The following RYR3 variants were observed in gnomAD, a reference collection of about 807,000 sequenced individuals.
RYR3 encodes ryanodine receptor 3.
A neutral mutation model predicts 584.3 loss-of-function variants in RYR3; 207 were observed. That is an observed-to-expected ratio of 0.35 (90% CI 0.32 to 0.40). The LOEUF (loss-of-function observed/expected upper bound fraction) is 0.40, where lower values mean the gene tolerates loss of function less well. RYR3 is among the 10% of genes least tolerant of loss of function. The pLI is 1.00. For missense variants in RYR3, 5,616 were observed against 6,089.2 expected (o/e 0.92, Z 2.59); for synonymous variants, 2,416 against 2,248.5 (o/e 1.07, Z -2.11).
chr15:33,864,253 G>A, intron 103 of RYR3, 64 bp downstream of exon 103: 4 of 1,281,630 alleles, frequency 3.1e-6, no homozygotes, highest in Non-Finnish European at 4.4e-6. Context: ...AGACTTAGTA[G>A]GGCATAGGTT....
At chr15:33,314,949 A>AAC (rs1555423654) in intron 1 of RYR3, among the ~76,000 whole-genome samples, 19 of 151,572 alleles carry the variant, frequency 1.3e-4, no homozygotes, top group African/African-American at 4.6e-4. Flanking sequence ...AACCAAAAAA[A>AAC]AACAACAACA....
rs187803176 is a variant in RYR3, at chr15:33,754,057, T to C, written c.8400-1008T>C. 5.0e-4 allele frequency among the ~76,000 whole-genome samples: 76 copies of C among 152,194 alleles called. 1 individual carries two copies. The highest frequency in any genetic ancestry group is 1.8e-3 in the African/African-American group (74 of 41,518). ...CTACTCGGGAGGCTGAGGCAGAGAA[T>C]TGCTTGAACCCAGAAGGCAGAGGTT... On this transcript the variant is annotated intron_variant, in intron 57 of 103. Coordinates refer to ENST00000634891, the MANE Select transcript of RYR3 (RefSeq NM_001036.6).
At chr15:33,859,900 A>C (rs1262566453) in intron 100 of RYR3, among the ~76,000 whole-genome samples, 169 bp downstream of exon 100, 2 of 152,160 alleles carry the variant, frequency 1.3e-5, no homozygotes, top group Non-Finnish European at 2.9e-5. Flanking sequence ...GCTATATATA[A>C]AGCCAAATAC....
chr15:33,341,956 A>G (rs1210573003), intron 1 of RYR3, among the ~76,000 whole-genome samples: 1 of 152,250 alleles, frequency 6.6e-6, no homozygotes. Context: ...AAAGCCACAA[A>G]GCAAATTAGT....
At chr15:33,418,417 T>G (rs893392148) in intron 1 of RYR3, among the ~76,000 whole-genome samples, 1 of 151,824 alleles carries the variant, frequency 6.6e-6, no homozygotes. Flanking sequence ...AGAGTAGAAA[T>G]AGACCAGGTA....
rs955103711 is a variant in RYR3, at chr15:33,750,166, G to A, written c.8279G>A (p.Gly2760Asp). ...KKKLELESKGGGSHPLLVPYD... is the reference protein window; with the variant it reads ...KKKLELESKGDGSHPLLVPYD... Reference sequence around the variant, plus strand: ...TCTCTCACCTTACTGACCCCAGGTGGTGGCAGCCACCCTCTTCTGGTACCA... The same window carrying A: ...TCTCTCACCTTACTGACCCCAGGTGATGGCAGCCACCCTCTTCTGGTACCA... The change falls in exon 57 of 104, where the codon GGT (glycine) becomes GAT (aspartate). Residue 2760 changes from glycine (G) to aspartate (D), a missense_variant. This residue lies in a region of RYR3 where 1,280 missense variants were observed against 1,426.2 expected (regional missense o/e 0.90). Coordinates refer to ENST00000634891, the MANE Select transcript of RYR3 (RefSeq NM_001036.6). 3.7e-6 allele frequency: 6 copies of A among 1,609,510 alleles called. No individual in the cohort carries two copies. The highest frequency in any genetic ancestry group is 3.4e-5 in the Admixed American group (2 of 59,378).
At position 33,807,586 on chromosome 15, in the gene RYR3, T is replaced by A; in HGVS notation, c.10026+17T>A. The A allele has an allele frequency of 6.4e-7, 1 of 1,551,302 alleles. No homozygotes were observed. The highest frequency in any genetic ancestry group is 8.7e-7 in the Non-Finnish European group (1 of 1,146,530). ...CAAGTAAAGGTACAGGTCAAATGCATGACGTGTCTTTTCTGTCCTAGTATT... is the reference window on the plus strand; with the variant it reads ...CAAGTAAAGGTACAGGTCAAATGCAAGACGTGTCTTTTCTGTCCTAGTATT... On this transcript the variant is annotated intron_variant, in intron 70 of 103. Coordinates refer to ENST00000634891, the MANE Select transcript of RYR3 (RefSeq NM_001036.6).
intron 43 of RYR3, among the ~76,000 whole-genome samples, chr15:33,710,339 CTTT>C (rs58909445): frequency 0.65 from 73,204 of 112,572 alleles, 23,527 homozygotes; most frequent in South Asian, 0.83. Flanking sequence ...GTGCCATACA[CTTT>C]TTTTTTTTTT....
At chr15:33,620,360 C>A (rs926274043) in intron 19 of RYR3, among the ~76,000 whole-genome samples, 2 of 152,100 alleles carry the variant, frequency 1.3e-5, no homozygotes, top group Non-Finnish European at 2.9e-5. Flanking sequence ...CCTAAAAGTT[C>A]TCTCCAAAGG....
At chr15:33,425,146 G>C (rs146008802) in intron 1 of RYR3, among the ~76,000 whole-genome samples, 256 of 151,650 alleles carry the variant, frequency 1.7e-3, no homozygotes, top group Middle Eastern at 6.8e-3. Context: ...TCTCCACCGC[G>C]TTTTACTTAT....
At chr15:33,463,033 G>T (rs577038986) in intron 1 of RYR3, among the ~76,000 whole-genome samples, 4 of 152,076 alleles carry the variant, frequency 2.6e-5, no homozygotes, top group Non-Finnish European at 5.9e-5. Flanking sequence ...TTAGCCAGGC[G>T]CACCTTGCCT....
chr15:33,762,569 G>T (rs1396958417), intron 60 of RYR3, among the ~76,000 whole-genome samples: 1 of 152,114 alleles, frequency 6.6e-6, no homozygotes, highest in Admixed American at 6.5e-5. Context: ...GGGATATGAA[G>T]GACCTCTTCA....
chr15:33,812,025 A>C (rs1205913445), intron 72 of RYR3, among the ~76,000 whole-genome samples: 1 of 152,158 alleles, frequency 6.6e-6, no homozygotes, highest in African/African-American at 2.4e-5. Context: ...AGAAATCTCT[A>C]GGGCCAGAAA....
At chr15:33,773,848 G>A (rs1230915803) in intron 64 of RYR3, among the ~76,000 whole-genome samples, 1 of 152,202 alleles carries the variant, frequency 6.6e-6, no homozygotes, top group Non-Finnish European at 1.5e-5. Flanking sequence ...TATGTGGCTG[G>A]AGAAGCAATA....
chr15:33,317,034 T>G (rs1284623889), intron 1 of RYR3, among the ~76,000 whole-genome samples: 1 of 152,240 alleles, frequency 6.6e-6, no homozygotes, highest in Non-Finnish European at 1.5e-5. Flanking sequence ...CCAGGTAGGC[T>G]CCTCCCAGGA....
chr15:33,850,381 C>CAA (rs201757842), intron 94 of RYR3: 44 of 133,184 alleles, frequency 3.3e-4, no homozygotes, highest in Non-Finnish European at 5.0e-4. Flanking sequence ...GACTTCATCT[C>CAA]AAAAAAAAAA....
At chr15:33,571,784 T>C (rs967722722) in intron 12 of RYR3, among the ~76,000 whole-genome samples, 4 of 152,190 alleles carry the variant, frequency 2.6e-5, no homozygotes, top group Admixed American at 2.6e-4. Flanking sequence ...TTCATCCATT[T>C]ATATCTAATG....
chr15:33,548,094 A>G (rs1210418519), intron 8 of RYR3, 36 bp from the exon 9 acceptor site: 1 of 1,507,236 alleles, frequency 6.6e-7, no homozygotes, highest in Non-Finnish European at 9.2e-7. Context: ...GATCAGTGTC[A>G]TGCAAGTAGG....
chr15:33,860,756 G>A, intron 101 of RYR3, 97 bp downstream of exon 101: 2 of 939,226 alleles, frequency 2.1e-6, no homozygotes, highest in South Asian at 1.7e-5. Flanking sequence ...CTTAGGGCCA[G>A]TACTAAGCAA....
Sources: gnomAD v4.1 joint callset for allele counts (sites outside exome capture counted in the v4.1 genomes callset) on GRCh38, gnomAD v4.1.1 for gene constraint, gnomAD v4.1.1 regional missense constraint, MANE v1.5 for transcripts, NCBI Gene and HGNC (gene_info 2026-07-23, HGNC 2026-07-21) for gene names.